Variants in FUT8 observed in about 807,000 individuals in gnomAD.
FUT8 encodes the protein alpha-(1,6)-fucosyltransferase.
FUT8 carries 29 observed loss-of-function variants against 71.3 expected under a neutral mutation model. That is an observed-to-expected ratio of 0.41 (90% CI 0.30 to 0.55). The LOEUF is 0.55. FUT8 is among the 20% of genes least tolerant of loss of function. FUT8 has a pLI of 0.34. For missense variants in FUT8, 544 were observed against 702.1 expected (o/e 0.77, Z 2.55); for synonymous variants, 254 against 239.3 (o/e 1.06, Z -0.57).
At chr14:65,710,322 A>G (rs1255541064) in intron 7 of FUT8, among the ~76,000 whole-genome samples, 2 of 152,226 alleles carry the variant, frequency 1.3e-5, no homozygotes, top group African/African-American at 4.8e-5. Flanking sequence ...AATACTGAAC[A>G]AGATTATTTG....
chr14:65,692,486 C>T (rs1352986884), intron 7 of FUT8, among the ~76,000 whole-genome samples: 1 of 77,338 alleles, frequency 1.3e-5, no homozygotes, highest in Non-Finnish European at 2.6e-5. Context: ...CCAGACGGGG[C>T]GGCTGGCCGG....
intron 3 of FUT8, among the ~76,000 whole-genome samples, chr14:65,608,280 A>G (rs1268769590): frequency 6.6e-6 from 1 of 151,634 alleles, no homozygotes; most frequent in Admixed American, 6.6e-5. Context: ...TTCTTTCCTA[A>G]TATTGCTTAT....
chr14:65,401,895 T>TAA, the FUT8 span, among the ~76,000 whole-genome samples: 6 of 105,242 alleles, frequency 5.7e-5, no homozygotes, highest in African/African-American at 1.1e-4. Flanking sequence ...AGACCCTGTC[T>TAA]AAAAAAAAAA....
At chr14:65,480,209 T>G (rs1442096741) in intron 2 of FUT8, among the ~76,000 whole-genome samples, 2 of 152,270 alleles carry the variant, frequency 1.3e-5, no homozygotes, top group African/African-American at 4.8e-5. Flanking sequence ...GATTGCTTTT[T>G]TATCTGAATC....
At position 65,556,465 on chromosome 14, in the gene FUT8, C is replaced by T. The variant is rs1023812584; in HGVS notation, c.-227-4872C>T. ...TGCCCTCAGCTCCTTTCCACATGGG[C>T]CTCTCAGCATGATGGCTGACAGTAT... On this transcript the variant is annotated intron_variant, in intron 2 of 10. Coordinates refer to ENST00000673929, the MANE Select transcript of FUT8 (RefSeq NM_001371533.1). Among the ~76,000 whole-genome samples, 38 of 152,134 alleles carry T rather than the reference C, an allele frequency of 2.5e-4. 1 individual carries two copies. The highest frequency in any genetic ancestry group is 1.5e-4 in the Non-Finnish European group (10 of 68,026).
At chr14:65,424,750 T>G (rs1566738674) in intron 1 of FUT8, among the ~76,000 whole-genome samples, 1 of 152,070 alleles carries the variant, frequency 6.6e-6, no homozygotes, top group Non-Finnish European at 1.5e-5. Flanking sequence ...AACCTCTGCC[T>G]TCTGACTCAA....
chr14:65,458,294 C>A (rs1326258622), intron 2 of FUT8: 1 of 151,980 alleles, frequency 6.6e-6, no homozygotes, highest in Non-Finnish European at 1.5e-5. Context: ...TTAATAACGT[C>A]AAGCCTCATA....
chr14:65,700,230 G>A (rs1225112750), intron 7 of FUT8, among the ~76,000 whole-genome samples: 1 of 152,058 alleles, frequency 6.6e-6, no homozygotes, highest in Non-Finnish European at 1.5e-5. Flanking sequence ...TGCCATCCAT[G>A]ACATCAAGGC....
chr14:65,699,117 G>C (rs543823227), intron 7 of FUT8, among the ~76,000 whole-genome samples: 75 of 149,654 alleles, frequency 5.0e-4, no homozygotes, highest in African/African-American at 1.7e-3. Flanking sequence ...GCTGTCTTGT[G>C]TATGTCATGT....
intron 10 of FUT8, 88 bp from the exon 11 acceptor site, chr14:65,742,005 A>G (rs1349348820): frequency 4.7e-6 from 5 of 1,055,622 alleles, no homozygotes; most frequent in Non-Finnish European, 7.0e-6. Context: ...TCTTACTCCT[A>G]GAGCCCATCC....
chr14:65,618,293 T>G (rs1889414390), intron 5 of FUT8, among the ~76,000 whole-genome samples: 1 of 151,890 alleles, frequency 6.6e-6, no homozygotes, highest in Admixed American at 6.6e-5. Context: ...TATGTACAAA[T>G]GAAAAGTGAA....
At chr14:65,368,048 TA>T in the FUT8 span, among the ~76,000 whole-genome samples, 1 of 137,344 alleles carries the variant, frequency 7.3e-6, no homozygotes, top group African/African-American at 2.7e-5. Flanking sequence ...TAGGCAAAAT[TA>T]CTTTTTTTTT....
At chr14:65,453,844 G>A (rs573373548) in intron 1 of FUT8, among the ~76,000 whole-genome samples, 11 of 152,122 alleles carry the variant, frequency 7.2e-5, no homozygotes, top group African/African-American at 1.2e-4. Context: ...CTCCTTTCTG[G>A]TATATCATTC....
chr14:65,538,322 T>C (rs1395556467), intron 2 of FUT8, among the ~76,000 whole-genome samples: 1 of 152,056 alleles, frequency 6.6e-6, no homozygotes, highest in African/African-American at 2.4e-5. Flanking sequence ...TCCGCTGGAG[T>C]TGTTGGGGAC....
intron 3 of FUT8, among the ~76,000 whole-genome samples, chr14:65,581,330 G>A (rs1358814560): frequency 6.6e-6 from 1 of 151,996 alleles, no homozygotes; most frequent in African/African-American, 2.4e-5. Context: ...AGAATAAGAA[G>A]ACTAACAATG....
intron 7 of FUT8, among the ~76,000 whole-genome samples, chr14:65,698,831 T>C (rs1265509444): frequency 6.6e-6 from 1 of 152,162 alleles, no homozygotes; most frequent in African/African-American, 2.4e-5. Context: ...CCTGCAATAG[T>C]GGTAGTTACT....
intron 10 of FUT8, among the ~76,000 whole-genome samples, chr14:65,736,132 A>G (rs1350031720): frequency 6.6e-6 from 1 of 152,124 alleles, no homozygotes; most frequent in Non-Finnish European, 1.5e-5. Flanking sequence ...CTATTTCTTA[A>G]CTGGTTTATT....
At chr14:65,393,699 G>A in the FUT8 span, among the ~76,000 whole-genome samples, 1 of 152,182 alleles carries the variant, frequency 6.6e-6, no homozygotes, top group African/African-American at 2.4e-5. Context: ...AAATATCAGT[G>A]GAGACAGAGT....
intron 2 of FUT8, among the ~76,000 whole-genome samples, chr14:65,485,582 A>G (rs1452346605): frequency 1.3e-5 from 2 of 152,180 alleles, no homozygotes; most frequent in Admixed American, 6.5e-5. Flanking sequence ...ATCCATCACT[A>G]TTCTCTCAAA....
Sources: allele counts gnomAD v4.1 joint callset (sites outside exome capture counted in the v4.1 genomes callset), GRCh38; gene constraint gnomAD v4.1.1; transcripts MANE v1.5; gene names NCBI Gene and HGNC (gene_info 2026-07-23, HGNC 2026-07-21).